KIF5B: variants seen among roughly 807,000 people sequenced by gnomAD.
The protein encoded by KIF5B is kinesin family member 5B.
A neutral mutation model predicts 132.8 loss-of-function variants in KIF5B; 49 were observed. The ratio of observed to expected loss-of-function variants is 0.37; its 90% CI spans 0.29 to 0.47. KIF5B has a LOEUF of 0.47. Among genes scored for constraint, KIF5B ranks in the 20% least tolerant of loss-of-function variants. The pLI, the probability that KIF5B is intolerant of heterozygous loss-of-function variation, is 1.00. For missense variants in KIF5B, 780 were observed against 1,144.0 expected, an observed-to-expected ratio of 0.68 and a Z score of 4.59; for synonymous variants, 355 against 369.4, an observed-to-expected ratio of 0.96 and a Z score of 0.45.
At chr10:32,048,701 G>A in intron 1 of KIF5B, 150 bp from the exon 2 acceptor site, 1 of 549,950 alleles carries the variant, frequency 1.8e-6, no homozygotes, top group Non-Finnish European at 3.2e-6. Context: ...GAAGTAGAAG[G>A]GATCACCATG....
intron 3 of KIF5B, 145 bp from the exon 4 acceptor site, chr10:32,039,576 A>G (rs1841505476): frequency 1.8e-6 from 1 of 557,906 alleles, no homozygotes; most frequent in Non-Finnish European, 3.2e-6. Flanking sequence ...AAAAAATCCA[A>G]TTCAACTATT....
At chr10:32,041,827 G>A (rs1423878847) in intron 2 of KIF5B, among the ~76,000 whole-genome samples, 1 of 152,122 alleles carries the variant, frequency 6.6e-6, no homozygotes, top group Non-Finnish European at 1.5e-5. Flanking sequence ...GTCTTGCTAT[G>A]TTGCCCAGGC....
chr10:32,012,401 G>A lies in KIF5B; in HGVS notation c.*21-885C>T, dbSNP rs558952968. ...GAGGCAGGGAGAACTGCTTGAACCC[G>A]GGAAGCAGAGGTTGCAGTGAGCCGA... On this transcript the variant is annotated intron_variant, in intron 25 of 25. Coordinates refer to ENST00000302418, the MANE Select transcript of KIF5B (RefSeq NM_004521.3). Among the ~76,000 whole-genome samples the A allele has an allele frequency of 2.0e-5, 3 of 152,224 alleles. No homozygotes were observed. The South Asian group carries it at 6.2e-4, about 32-fold the overall frequency.
chr10:32,043,256 G>A (rs1299487995), intron 2 of KIF5B, among the ~76,000 whole-genome samples: 2 of 152,138 alleles, frequency 1.3e-5, no homozygotes, highest in Admixed American at 1.3e-4. Context: ...GCCCACTTCG[G>A]CCTCCCAAAA....
In KIF5B at chr10:32,039,531, A is replaced by C; in HGVS notation, c.289-100T>G. ...AACTTATAGTCAAGAAAGGACAGGA[A>C]CTATATTTTTGTGGAAACGGCTCTG... On this transcript the variant is annotated intron_variant, in intron 3 of 25. Coordinates refer to ENST00000302418, the MANE Select transcript of KIF5B (RefSeq NM_004521.3). 4.6e-6 allele frequency: 3 copies of C among 646,948 alleles called. No individual in the cohort carries two copies. The South Asian group carries it at 5.7e-5, about 12-fold the overall frequency. The allele number at this position is 646,948 out of a possible 1,614,324, so 40.1% of individuals were successfully genotyped here. A position where few individuals can be genotyped will look rare whatever the true frequency, so the allele number is the denominator to read the frequency against.
chr10:32,048,386 A>C (rs554257140), intron 2 of KIF5B, 78 bp downstream of exon 2: 1 of 931,932 alleles, frequency 1.1e-6, no homozygotes, highest in Non-Finnish European at 1.7e-6. Flanking sequence ...AAATGAAAAA[A>C]GGAAGCTGAG....
chr10:32,035,130 T>G (rs1841447445), intron 10 of KIF5B, among the ~76,000 whole-genome samples: 1 of 152,188 alleles, frequency 6.6e-6, no homozygotes, highest in Non-Finnish European at 1.5e-5. Flanking sequence ...AAATTACTGT[T>G]GAAAGTCAAA....
chr10:32,049,122 C>A (rs1841653457), intron 1 of KIF5B, among the ~76,000 whole-genome samples: 1 of 152,164 alleles, frequency 6.6e-6, no homozygotes, highest in Non-Finnish European at 1.5e-5. Flanking sequence ...AACCACCATG[C>A]CTGTCCTGCA....
At chr10:32,024,248 G>A (rs1261695035) in intron 15 of KIF5B, among the ~76,000 whole-genome samples, 1,698 of 127,938 alleles carry the variant, frequency 0.013, 32 homozygotes, top group African/African-American at 0.045. Flanking sequence ...TCCGCCTCCC[G>A]GGTTCACGCC....
At chr10:32,050,605 CTTAT>C (rs1841680910) in intron 1 of KIF5B, among the ~76,000 whole-genome samples, 1 of 152,190 alleles carries the variant, frequency 6.6e-6, no homozygotes, top group Admixed American at 6.5e-5. Context: ...AAAACATCCT[CTTAT>C]TTATTTAAGC....
intron 8 of KIF5B, among the ~76,000 whole-genome samples, chr10:32,037,050 C>G (rs551313446): frequency 6.6e-6 from 1 of 152,274 alleles, no homozygotes; most frequent in Admixed American, 6.5e-5. Context: ...ATGGGTTGAA[C>G]TAGAGTATGG....
chr10:32,035,784 CTCTCTT>C, intron 9 of KIF5B, 100 bp downstream of exon 9: 2 of 1,298,188 alleles, frequency 1.5e-6, no homozygotes, highest in South Asian at 2.8e-5. Flanking sequence ...GAATCTCAAT[CTCTCTT>C]TCTCTCTCTC....
At chr10:32,024,120 C>G (rs1841302724) in intron 15 of KIF5B, among the ~76,000 whole-genome samples, 1 of 130,932 alleles carries the variant, frequency 7.6e-6, no homozygotes, top group Non-Finnish European at 1.6e-5. Flanking sequence ...TGATAAAAGA[C>G]TTATATCCAA....
chr10:32,040,409 G>C lies in KIF5B; in HGVS notation c.263C>G (p.Ser88Cys). Residue 88 changes from serine to cysteine, a missense_variant, in exon 3 of 26, where the codon TCC (serine) becomes TGC (cysteine). By Grantham distance (112) the Ser-to-Cys change is moderately radical (BLOSUM62 -1). Transcript: ENST00000302418. ...NGTIFAYGQT[S>C]SGKTHTMEGK... Reference sequence around the variant, plus strand: ...CTCCATTGTGTGTGTCTTCCCAGAGGATGTTTGTCCATATGCAAATATTGT... The same window carrying C: ...CTCCATTGTGTGTGTCTTCCCAGAGCATGTTTGTCCATATGCAAATATTGT... 1 of 1,600,622 alleles carries C rather than the reference G, an allele frequency of 6.2e-7. No individual in the cohort carries two copies. The highest frequency in any genetic ancestry group is 8.6e-7 in the Non-Finnish European group (1 of 1,167,950).
chr10:32,027,142 A>C, intron 15 of KIF5B, among the ~76,000 whole-genome samples: 1 of 152,258 alleles, frequency 6.6e-6, no homozygotes, highest in East Asian at 1.9e-4. Context: ...CTTTTACGTC[A>C]GTTCCAACTC....
intron 1 of KIF5B, 142 bp downstream of exon 1, chr10:32,055,706 T>C: frequency 1.8e-6 from 2 of 1,139,426 alleles, no homozygotes; most frequent in Non-Finnish European, 2.4e-6. Flanking sequence ...CTCCACTGGG[T>C]TATCTGAACC....
At chr10:32,048,388 G>A (rs2132615574) in intron 2 of KIF5B, 76 bp downstream of exon 2, 2 of 943,328 alleles carry the variant, frequency 2.1e-6, no homozygotes, top group Non-Finnish European at 3.3e-6. Flanking sequence ...ATGAAAAAAG[G>A]AAGCTGAGTA....
chr10:32,026,641 C>A (rs1230132018), intron 15 of KIF5B, among the ~76,000 whole-genome samples: 3 of 151,218 alleles, frequency 2.0e-5, no homozygotes, highest in Admixed American at 2.0e-4. Flanking sequence ...TGGATTTCAT[C>A]CCTCTGCCAC....
intron 11 of KIF5B, among the ~76,000 whole-genome samples, chr10:32,034,372 A>G (rs1413519565): frequency 6.6e-6 from 1 of 152,126 alleles, no homozygotes; most frequent in African/African-American, 2.4e-5. Flanking sequence ...TTGGCCTCCC[A>G]AAGTGCTAGG....
Sources: gnomAD v4.1 joint callset for allele counts (sites outside exome capture counted in the v4.1 genomes callset) on GRCh38, gnomAD v4.1.1 for gene constraint, MANE v1.5 for transcripts, NCBI Gene and HGNC (gene_info 2026-07-23, HGNC 2026-07-21) for gene names.